The following AKAP14 variants were observed in gnomAD, a reference collection of about 807,000 sequenced individuals.
The protein encoded by AKAP14 is A-kinase anchor protein 14.
Under a neutral mutation model 17.0 loss-of-function variants are expected in AKAP14, and 4 were observed. That is an observed-to-expected ratio of 0.23 (90% CI 0.12 to 0.54). The LOEUF (loss-of-function observed/expected upper bound fraction) is 0.54, where lower values mean the gene tolerates loss of function less well. Ranked by LOEUF, AKAP14 falls within the 20% of genes least tolerant of loss-of-function variation. The pLI, the probability that AKAP14 is intolerant of heterozygous loss-of-function variation, is 0.95. For missense variants in AKAP14, 129 were observed against 150.9 expected, an observed-to-expected ratio of 0.85 and a Z score of 0.76; for synonymous variants, 42 against 51.3, an observed-to-expected ratio of 0.82 and a Z score of 0.77.
intron 4 of AKAP14, among the ~76,000 whole-genome samples, chrX:119,907,186 A>T (rs1603377805): frequency 9.4e-6 from 1 of 106,629 alleles, no homozygotes; most frequent in African/African-American, 3.4e-5. Flanking sequence ...GCTGCAGTGC[A>T]GTGGCACCAT....
At chrX:119,896,715 T>G (rs2056529377) in intron 2 of AKAP14, among the ~76,000 whole-genome samples, 2 of 111,961 alleles carry the variant, frequency 1.8e-5, no homozygotes, top group Non-Finnish European at 1.9e-5. Context: ...GTCACAGATT[T>G]GACTTCTCAT....
chrX:119,911,197 A>G (rs749682633), intron 4 of AKAP14, among the ~76,000 whole-genome samples: 8 of 106,685 alleles, frequency 7.5e-5, no homozygotes, highest in African/African-American at 2.4e-4. Flanking sequence ...TACTAAAAAT[A>G]CAAAAATTAG....
At position 119,904,505 on chromosome X, in the gene AKAP14, T is replaced by C. The variant is rs143519335; in HGVS notation, c.261+919T>C. On this transcript the variant is annotated intron_variant, in intron 4 of 6. Transcript: ENST00000371431. ...GTTCACATCTGTAATCCCAGCACTTTGAAATACCAAGACGGGAGAATCAAT... is the reference window on the plus strand; with the variant it reads ...GTTCACATCTGTAATCCCAGCACTTCGAAATACCAAGACGGGAGAATCAAT... Among the ~76,000 whole-genome samples, 10 of 112,125 alleles carry C rather than the reference T, an allele frequency of 8.9e-5. No homozygotes were observed. In the East Asian group the frequency reaches 2.8e-3, roughly 31 times the overall value.
intron 4 of AKAP14, among the ~76,000 whole-genome samples, chrX:119,907,461 A>T (rs1035425144): frequency 9.3e-6 from 1 of 106,977 alleles, no homozygotes; most frequent in Admixed American, 1.0e-4. Flanking sequence ...ATATTTATTT[A>T]TTTATTTATT....
intron 5 of AKAP14, among the ~76,000 whole-genome samples, chrX:119,918,577 C>A (rs918933647): frequency 8.9e-6 from 1 of 112,380 alleles, no homozygotes; most frequent in African/African-American, 3.2e-5. Flanking sequence ...AGAATGTAAG[C>A]TCCATAAAGG....
chrX:119,908,241 C>T (rs1200482736), intron 4 of AKAP14, among the ~76,000 whole-genome samples: 1 of 103,846 alleles, frequency 9.6e-6, no homozygotes, highest in Admixed American at 1.1e-4. Flanking sequence ...GAGCTGAGAT[C>T]GCACCACTGC....
At chrX:119,918,443 G>C (rs2056671185) in intron 5 of AKAP14, among the ~76,000 whole-genome samples, 1 of 111,233 alleles carries the variant, frequency 9.0e-6, no homozygotes, top group African/African-American at 3.3e-5. Context: ...TGTCGGCCAG[G>C]CTGGTCTGGA....
At chrX:119,916,861 A>C (rs2056661870) in intron 5 of AKAP14, among the ~76,000 whole-genome samples, 1 of 101,426 alleles carries the variant, frequency 9.9e-6, no homozygotes, top group African/African-American at 3.5e-5. Context: ...TAATCCCAGC[A>C]CTTTGGGAGG....
chrX:119,909,746 G>A (rs191080563), intron 4 of AKAP14, among the ~76,000 whole-genome samples: 194 of 107,377 alleles, frequency 1.8e-3, no homozygotes, highest in Non-Finnish European at 3.0e-3. Context: ...TTAGCTGGGC[G>A]TGGTGGTGAG....
At chrX:119,907,522 A>G (rs1229725402) in intron 4 of AKAP14, among the ~76,000 whole-genome samples, 1 of 110,483 alleles carries the variant, frequency 9.1e-6, no homozygotes, top group African/African-American at 3.3e-5. Context: ...CAGTGGCGCA[A>G]TCTCGGCTCA....
chrX:119,906,162 T>C (rs767892772), intron 4 of AKAP14, among the ~76,000 whole-genome samples: 1 of 110,313 alleles, frequency 9.1e-6, no homozygotes, highest in Non-Finnish European at 1.9e-5. Flanking sequence ...AAACATGTTA[T>C]ATTAACTCAT....
At chrX:119,914,933 C>G (rs2056649123) in intron 5 of AKAP14, 55 bp downstream of exon 5, 2 of 1,093,352 alleles carry the variant, frequency 1.8e-6, no homozygotes, top group Admixed American at 2.5e-5. Context: ...GGAGACTTCT[C>G]TTGTCAAGGT....
intron 2 of AKAP14, among the ~76,000 whole-genome samples, chrX:119,899,930 A>C (rs1000339370): frequency 9.0e-6 from 1 of 111,439 alleles, no homozygotes; most frequent in African/African-American, 3.3e-5. Flanking sequence ...TGCTTGCAAC[A>C]TACTTATTTT....
chrX:119,903,228 G>A lies in AKAP14; in HGVS notation c.5G>A (p.Ser2Asn). 2 of 1,209,518 alleles carry A rather than the reference G, an allele frequency of 1.7e-6. No homozygotes were observed. The highest frequency in any genetic ancestry group is 2.2e-6 in the Non-Finnish European group (2 of 894,877). M[S>N]ETQNSTSQKA... ...TTTTTCCCCAGGAAAAAGAAAATGA[G>A]TGAGACTCAAAATTCAACAAGCCAG... The change falls in exon 3 of 7, where the codon AGT becomes AAT. Residue 2 changes from serine to asparagine, a missense_variant. Ser to Asn is a conservative substitution (Grantham distance 46). Coordinates refer to ENST00000371431, the MANE Select transcript of AKAP14 (RefSeq NM_178813.6).
intron 2 of AKAP14, among the ~76,000 whole-genome samples, chrX:119,900,244 C>T (rs1198894021): frequency 1.8e-5 from 2 of 112,248 alleles, no homozygotes; most frequent in East Asian, 5.6e-4. Context: ...AGGCACGTGC[C>T]ACCACACCTG....
intron 2 of AKAP14, among the ~76,000 whole-genome samples, chrX:119,897,029 C>T (rs1378191137): frequency 1.8e-5 from 2 of 110,124 alleles, no homozygotes; most frequent in Non-Finnish European, 3.8e-5. Context: ...AGGCTGGTTT[C>T]GAACTCCTGA....
chrX:119,904,108 A>T (rs1189210344), intron 4 of AKAP14, among the ~76,000 whole-genome samples: 1 of 109,974 alleles, frequency 9.1e-6, no homozygotes. Flanking sequence ...GCTAATTTTT[A>T]ATTTTTTTTT....
intron 4 of AKAP14, among the ~76,000 whole-genome samples, chrX:119,914,383 C>T (rs903513951): frequency 1.8e-5 from 2 of 110,876 alleles, no homozygotes; most frequent in Non-Finnish European, 3.8e-5. Context: ...TGTAGTGGTG[C>T]GATCACAGCT....
chrX:119,902,363 C>T (rs866892018), intron 2 of AKAP14, among the ~76,000 whole-genome samples: 1 of 111,034 alleles, frequency 9.0e-6, no homozygotes, highest in Non-Finnish European at 1.9e-5. Flanking sequence ...CGTGAGCCAC[C>T]GCGCCGGGCC....
Sources: allele counts gnomAD v4.1 joint callset (sites outside exome capture counted in the v4.1 genomes callset), GRCh38; gene constraint gnomAD v4.1.1; transcripts MANE v1.5; gene names NCBI Gene and HGNC (gene_info 2026-07-23, HGNC 2026-07-21).